IFNGR2: variants seen among roughly 807,000 people sequenced by gnomAD.
The protein encoded by IFNGR2 is IFN-gamma receptor 2.
IFNGR2 carries 15 observed loss-of-function variants against 41.1 expected under a neutral mutation model. The observed-to-expected ratio is 0.37, with a 90% confidence interval of 0.24 to 0.56. IFNGR2 has a LOEUF of 0.56. Ranked by LOEUF, IFNGR2 falls within the 20% of genes least tolerant of loss-of-function variation. The probability of loss-of-function intolerance (pLI) is 0.81; values close to 1 mark genes in which losing one functional copy is unlikely to be tolerated. For missense variants in IFNGR2, 362 were observed against 415.7 expected, an observed-to-expected ratio of 0.87 and a Z score of 1.12; for synonymous variants, 161 against 171.6, an observed-to-expected ratio of 0.94 and a Z score of 0.48.
chr21:33,406,367 T>C (rs1436659994), intron 1 of IFNGR2, among the ~76,000 whole-genome samples: 1 of 151,850 alleles, frequency 6.6e-6, no homozygotes, highest in African/African-American at 2.4e-5. Context: ...AGAGCAAGAC[T>C]CTGTCTCAAA....
At chr21:33,429,840 TG>T (rs2083870867) in intron 4 of IFNGR2, among the ~76,000 whole-genome samples, 2 of 151,900 alleles carry the variant, frequency 1.3e-5, no homozygotes, top group South Asian at 4.2e-4. Flanking sequence ...GGGATAAACT[TG>T]AAATCCAAAT....
At position 33,437,023 on chromosome 21, in the gene IFNGR2, G is replaced by C; in HGVS notation, c.*61G>C. Reference sequence around the variant, plus strand: ...AGAGATCAAGCCATCGGAGCTGCTAGAGTTCTGTCTGGACTTTCCAGAGAC... The same window carrying C: ...AGAGATCAAGCCATCGGAGCTGCTACAGTTCTGTCTGGACTTTCCAGAGAC... On this transcript the variant is annotated 3_prime_UTR_variant, in exon 7 of 7. Transcript: ENST00000290219. The C allele has an allele frequency of 1.3e-6, 2 of 1,585,402 alleles. No homozygotes were observed. The highest frequency in any genetic ancestry group is 1.1e-5 in the South Asian group (1 of 90,332).
At chr21:33,407,736 T>C (rs1400466597) in intron 1 of IFNGR2, among the ~76,000 whole-genome samples, 8 of 151,916 alleles carry the variant, frequency 5.3e-5, no homozygotes. Flanking sequence ...GCTGGGACTA[T>C]AGGCACCTGC....
intron 2 of IFNGR2, among the ~76,000 whole-genome samples, chr21:33,415,769 C>A (rs1266777523): frequency 1.3e-5 from 2 of 152,176 alleles, no homozygotes; most frequent in African/African-American, 4.8e-5. Flanking sequence ...ATAGCCCTTT[C>A]AAAGAGGAAT....
At chr21:33,430,606 G>A (rs1601089902) in intron 4 of IFNGR2, among the ~76,000 whole-genome samples, 2 of 152,116 alleles carry the variant, frequency 1.3e-5, no homozygotes, top group East Asian at 1.9e-4. Flanking sequence ...ACCATGACCA[G>A]CTTATTTTTT....
chr21:33,407,473 T>C (rs996478828), intron 1 of IFNGR2, among the ~76,000 whole-genome samples: 5 of 152,246 alleles, frequency 3.3e-5, no homozygotes, highest in African/African-American at 1.2e-4. Context: ...TTATATACAT[T>C]ACCTCTCTTA....
At chr21:33,433,939 G>A (rs1320882853) in intron 6 of IFNGR2, among the ~76,000 whole-genome samples, 1 of 152,048 alleles carries the variant, frequency 6.6e-6, no homozygotes, top group African/African-American at 2.4e-5. Flanking sequence ...TGAAGGCGGT[G>A]GAGACAGTGA....
At chr21:33,408,055 C>T (rs994898046) in intron 1 of IFNGR2, among the ~76,000 whole-genome samples, 1 of 151,882 alleles carries the variant, frequency 6.6e-6, no homozygotes, top group African/African-American at 2.4e-5. Flanking sequence ...ATAATGTCCC[C>T]GCCCCCAATA....
At chr21:33,415,143 C>T (rs1034183599) in intron 2 of IFNGR2, 123 bp downstream of exon 2, 9 of 1,211,168 alleles carry the variant, frequency 7.4e-6, no homozygotes, top group Non-Finnish European at 1.1e-5. Context: ...GGAAACACAT[C>T]GTTCTTGGAG....
intron 1 of IFNGR2, among the ~76,000 whole-genome samples, chr21:33,407,021 T>C (rs964949368): frequency 6.6e-6 from 1 of 151,942 alleles, no homozygotes; most frequent in Non-Finnish European, 1.5e-5. Flanking sequence ...ATATGTAAAA[T>C]ATGGGACCTG....
In IFNGR2 at chr21:33,403,503, G is replaced by C; in HGVS notation, c.-41G>C. The stretch of plus-strand genomic sequence containing the variant: ...AGCGGCTCCGCGGACCCCGAGCGGG[G>C]CCCCGGCCGCGACCTGAGCCGCCGC... On this transcript the variant is annotated 5_prime_UTR_variant, in exon 1 of 7. Coordinates refer to ENST00000290219, the MANE Select transcript of IFNGR2 (RefSeq NM_005534.4). The C allele has an allele frequency of 8.6e-7, 1 of 1,163,824 alleles. No individual in the cohort carries two copies. The highest frequency in any genetic ancestry group is 1.1e-6 in the Non-Finnish European group (1 of 943,884). 72.1% of individuals were successfully genotyped at this position (1,163,824 alleles called of 1,614,324 possible).
intron 3 of IFNGR2, among the ~76,000 whole-genome samples, chr21:33,423,540 C>A (rs1601082278): frequency 6.6e-6 from 1 of 151,752 alleles, no homozygotes; most frequent in East Asian, 1.9e-4. Context: ...GTAGCTGGGA[C>A]TACAGGTGCA....
intron 2 of IFNGR2, among the ~76,000 whole-genome samples, chr21:33,420,085 T>C (rs1200459451): frequency 6.6e-6 from 1 of 152,200 alleles, no homozygotes; most frequent in Non-Finnish European, 1.5e-5. Flanking sequence ...TAGGTATCTA[T>C]GGCGGGTGTC....
At chr21:33,427,918 CA>C (rs2123360377) in intron 4 of IFNGR2, among the ~76,000 whole-genome samples, 1 of 131,840 alleles carries the variant, frequency 7.6e-6, no homozygotes, top group East Asian at 2.5e-4. Context: ...TTAGTAGAGA[CA>C]GGGTTTTTAC....
At chr21:33,424,206 C>T (rs1044633246) in intron 3 of IFNGR2, among the ~76,000 whole-genome samples, 1 of 151,932 alleles carries the variant, frequency 6.6e-6, no homozygotes, top group African/African-American at 2.4e-5. Context: ...AAGGCTGAGG[C>T]AGGAGAATCT....
chr21:33,424,721 G>A (rs1236318353), intron 3 of IFNGR2, among the ~76,000 whole-genome samples: 2 of 152,106 alleles, frequency 1.3e-5, no homozygotes, highest in African/African-American at 4.8e-5. Flanking sequence ...TCTGAGAAAT[G>A]GGGATAACCT....
chr21:33,410,743 C>T (rs918464460), intron 1 of IFNGR2: 16 of 852,070 alleles, frequency 1.9e-5, no homozygotes, highest in Non-Finnish European at 2.7e-5. Flanking sequence ...GCTGGGATTA[C>T]AGGCGTGAGC....
At position 33,427,841 on chromosome 21, in the gene IFNGR2, C is replaced by CTTTTTT. The variant is rs2083851840; in HGVS notation, c.561+809_561+810insTTTTTT. On this transcript the variant is annotated intron_variant, in intron 4 of 6. Transcript: ENST00000290219. ...GAATTTTAGATACTTCATCTCATTT[C>CTTTTTT]ATCTTTTTTTTTTTTTTTTTTTTGA... is the stretch of plus-strand genomic sequence containing the variant. Among the ~76,000 whole-genome samples, 115 of 116,882 alleles carry CTTTTTT rather than the reference C, an allele frequency of 9.8e-4. 11 individuals are homozygous for CTTTTTT. Among genetic ancestry groups the CTTTTTT allele is most frequent in the East Asian group, 2.1e-3 (8 of 3,836 alleles). 76.7% of individuals were successfully genotyped at this position (116,882 alleles called of 152,430 possible).
chr21:33,425,920 G>A (rs1271681812), intron 3 of IFNGR2, among the ~76,000 whole-genome samples: 2 of 152,208 alleles, frequency 1.3e-5, no homozygotes, highest in African/African-American at 4.8e-5. Flanking sequence ...TGCAGACATT[G>A]GTCTCTTAGA....
Sources: gnomAD v4.1 joint callset for allele counts (sites outside exome capture counted in the v4.1 genomes callset) on GRCh38, gnomAD v4.1.1 for gene constraint, MANE v1.5 for transcripts, NCBI Gene and HGNC (gene_info 2026-07-23, HGNC 2026-07-21) for gene names.